PPM1L: variants seen among roughly 807,000 people sequenced by gnomAD.
The protein encoded by PPM1L is protein phosphatase, Mg2+/Mn2+ dependent 1L, also known as protein phosphatase 1L.
In PPM1L, 13 loss-of-function variants were observed where a neutral mutation model predicts 31.4. The observed-to-expected ratio is 0.41, with a 90% CI of 0.27 to 0.66. PPM1L has a LOEUF of 0.66. PPM1L is among the 30% of genes least tolerant of loss of function. The pLI is 0.29. For missense variants in PPM1L, 326 were observed against 453.7 expected, an observed-to-expected ratio of 0.72 and a Z score of 2.56; for synonymous variants, 184 against 175.4, an observed-to-expected ratio of 1.05 and a Z score of -0.39.
intron 1 of PPM1L, among the ~76,000 whole-genome samples, chr3:160,947,427 T>G (rs1715443401): frequency 2.0e-5 from 3 of 152,180 alleles, no homozygotes; most frequent in Non-Finnish European, 2.9e-5. Flanking sequence ...TGTGTTAGCT[T>G]CTTCTTGCTC....
chr3:160,989,976 G>GTT (rs1312004545), intron 2 of PPM1L, among the ~76,000 whole-genome samples: 1 of 95,864 alleles, frequency 1.0e-5, no homozygotes, highest in Non-Finnish European at 1.9e-5. Context: ...TAGCAACGTT[G>GTT]TTTTTGTTTT....
intron 2 of PPM1L, among the ~76,000 whole-genome samples, chr3:161,045,209 TCAA>T (rs1719023066): frequency 6.6e-6 from 1 of 152,170 alleles, no homozygotes; most frequent in African/African-American, 2.4e-5. Flanking sequence ...ATTAGACAGA[TCAA>T]CGAGACACAA....
chr3:160,791,771 G>T (rs111969070), intron 1 of PPM1L, among the ~76,000 whole-genome samples: 6 of 152,152 alleles, frequency 3.9e-5, no homozygotes, highest in African/African-American at 9.7e-5. Context: ...GATGAAAAAG[G>T]CCTCTTGGAT....
intron 2 of PPM1L, among the ~76,000 whole-genome samples, chr3:161,034,011 C>T (rs192455602): frequency 1.3e-5 from 2 of 152,274 alleles, no homozygotes; most frequent in Admixed American, 1.3e-4. Context: ...AAGCAAACAA[C>T]CCCATCAAAA....
chr3:160,795,200 G>A (rs1022165821), intron 1 of PPM1L, among the ~76,000 whole-genome samples: 1 of 152,118 alleles, frequency 6.6e-6, no homozygotes, highest in Non-Finnish European at 1.5e-5. Flanking sequence ...CCACCAATAA[G>A]CATTTTTTTC....
intron 2 of PPM1L, among the ~76,000 whole-genome samples, chr3:161,017,759 T>C (rs1718126312): frequency 6.6e-6 from 1 of 152,146 alleles, no homozygotes; most frequent in South Asian, 2.1e-4. Flanking sequence ...GCAGTTCTTG[T>C]CTGCTGCTAA....
At chr3:160,906,847 C>T (rs1327465843) in intron 1 of PPM1L, among the ~76,000 whole-genome samples, 1 of 152,170 alleles carries the variant, frequency 6.6e-6, no homozygotes, top group Non-Finnish European at 1.5e-5. Context: ...TGGGGGCCTC[C>T]CTTGGTTCCT....
At chr3:160,814,797 A>G (rs1021017673) in intron 1 of PPM1L, among the ~76,000 whole-genome samples, 24 of 151,806 alleles carry the variant, frequency 1.6e-4, no homozygotes, top group Admixed American at 1.2e-3. Context: ...GTATATAAAC[A>G]CATACCATGG....
At chr3:161,011,271 G>A (rs553448530) in intron 2 of PPM1L, among the ~76,000 whole-genome samples, 5 of 152,252 alleles carry the variant, frequency 3.3e-5, no homozygotes, top group Admixed American at 2.0e-4. Flanking sequence ...TATTAAATAC[G>A]GAATCCTTTC....
intron 1 of PPM1L, among the ~76,000 whole-genome samples, chr3:160,957,686 C>T (rs1440384104): frequency 1.3e-5 from 2 of 151,460 alleles, no homozygotes; most frequent in Non-Finnish European, 2.9e-5. Flanking sequence ...CACCCATTCT[C>T]CTGCCTCGGC....
intron 1 of PPM1L, among the ~76,000 whole-genome samples, chr3:160,949,286 T>A (rs988920970): frequency 7.9e-5 from 12 of 152,192 alleles, no homozygotes; most frequent in African/African-American, 2.7e-4. Flanking sequence ...CATTAGATAC[T>A]GTGTGTGTAT....
At chr3:161,013,977 A>G (rs1372848325) in intron 2 of PPM1L, among the ~76,000 whole-genome samples, 2 of 152,048 alleles carry the variant, frequency 1.3e-5, no homozygotes, top group South Asian at 2.1e-4. Flanking sequence ...TCTTTATCCA[A>G]TTTGCCAGTC....
chr3:161,062,432 C>T (rs1719599796), intron 2 of PPM1L, among the ~76,000 whole-genome samples: 1 of 152,152 alleles, frequency 6.6e-6, no homozygotes, highest in African/African-American at 2.4e-5. Flanking sequence ...GAGAACCCAT[C>T]TCTACAAAAT....
At chr3:161,007,080 A>G (rs562856269) in intron 2 of PPM1L, among the ~76,000 whole-genome samples, 18 of 152,304 alleles carry the variant, frequency 1.2e-4, no homozygotes, top group African/African-American at 4.3e-4. Context: ...TATCAAGCAC[A>G]TACTGTGTGC....
intron 1 of PPM1L, among the ~76,000 whole-genome samples, chr3:160,939,361 G>T (rs1285067200): frequency 6.6e-6 from 1 of 152,106 alleles, no homozygotes; most frequent in Admixed American, 6.5e-5. Flanking sequence ...CACCTGGATT[G>T]CTACCCAGCC....
intron 1 of PPM1L, among the ~76,000 whole-genome samples, chr3:160,830,652 T>C (rs1713499908): frequency 6.6e-6 from 1 of 152,154 alleles, no homozygotes; most frequent in Non-Finnish European, 1.5e-5. Context: ...TGTGAGATGA[T>C]AGGTCAGAGT....
At chr3:160,979,478 A>T (rs185610674) in intron 2 of PPM1L, among the ~76,000 whole-genome samples, 64 of 152,232 alleles carry the variant, frequency 4.2e-4, no homozygotes, top group African/African-American at 1.5e-3. Flanking sequence ...ACATGGGAGA[A>T]CATACAAATT....
At chr3:160,796,081 T>C (rs1416251777) in intron 1 of PPM1L, among the ~76,000 whole-genome samples, 3 of 152,214 alleles carry the variant, frequency 2.0e-5, no homozygotes, top group African/African-American at 4.8e-5. Context: ...CCTGGGAGCC[T>C]AGGAAAACCC....
chr3:160,891,891 C>T (rs915722885), intron 1 of PPM1L, among the ~76,000 whole-genome samples: 1 of 152,092 alleles, frequency 6.6e-6, no homozygotes, highest in African/African-American at 2.4e-5. Flanking sequence ...GAAACTAATA[C>T]AGGAACAGAA....
Sources: allele counts gnomAD v4.1 joint callset (sites outside exome capture counted in the v4.1 genomes callset), GRCh38; gene constraint gnomAD v4.1.1; transcripts MANE v1.5; gene names NCBI Gene and HGNC (gene_info 2026-07-23, HGNC 2026-07-21).